Variants in B4GALNT3 observed in about 807,000 individuals in gnomAD.
B4GALNT3 encodes beta-1,4-N-acetyl-galactosaminyltransferase 3.
A neutral mutation model predicts 120.2 loss-of-function variants in B4GALNT3; 86 were observed. That is an observed-to-expected ratio of 0.72 (90% CI 0.60 to 0.86). B4GALNT3 has a LOEUF of 0.86. Ranked by LOEUF, B4GALNT3 falls within the 40% of genes least tolerant of loss-of-function variation. B4GALNT3 has a pLI of 0.00. For missense variants in B4GALNT3, 1,167 were observed against 1,298.9 expected, an observed-to-expected ratio of 0.90 and a Z score of 1.56; for synonymous variants, 518 against 510.4, an observed-to-expected ratio of 1.01 and a Z score of -0.20.
At chr12:555,182 A>T (rs942162047) in intron 14 of B4GALNT3, 1 of 334,468 alleles carries the variant, frequency 3.0e-6, no homozygotes, top group African/African-American at 2.2e-5. Context: ...TGTCTCAAAA[A>T]AAAAGAAAAA....
Position 550,855 on chromosome 12 carries a change from G to A in B4GALNT3, c.998-67G>A. Reference sequence around the variant, plus strand: ...GAATACAGAAAGGGCCCTGCTCAGGGCAGAGGACTTCAGCCCCAGTTTCGT... The same window carrying A: ...GAATACAGAAAGGGCCCTGCTCAGGACAGAGGACTTCAGCCCCAGTTTCGT... On this transcript the variant is annotated intron_variant, in intron 10 of 19. Coordinates refer to ENST00000266383, the MANE Select transcript of B4GALNT3 (RefSeq NM_173593.4). This position sits in a 1 kb window ranked among gnomAD's most constrained non-coding sequence, Gnocchi z 4.1. The A allele has an allele frequency of 7.7e-7, 1 of 1,302,124 alleles. No individual in the cohort carries two copies. Among genetic ancestry groups the A allele is most frequent in the Non-Finnish European group, 1.1e-6 (1 of 906,806 alleles). The allele number at this position is 1,302,124 out of a possible 1,614,324, so 80.7% of individuals were successfully genotyped here.
intron 1 of B4GALNT3, among the ~76,000 whole-genome samples, chr12:522,670 C>T (rs764086071): frequency 4.6e-5 from 7 of 151,926 alleles, no homozygotes; most frequent in Admixed American, 2.6e-4. Context: ...CGTGGTGGCT[C>T]ACGTCTGTCA....
chr12:480,108 G>A (rs34159937), intron 1 of B4GALNT3, among the ~76,000 whole-genome samples: 53,362 of 151,556 alleles, frequency 0.35, 10,825 homozygotes, highest in Non-Finnish European at 0.46. Context: ...GTAGAGACAA[G>A]GTTTCACTGC....
intron 1 of B4GALNT3, among the ~76,000 whole-genome samples, chr12:470,994 G>T (rs1309083797): frequency 6.6e-6 from 1 of 151,990 alleles, no homozygotes; most frequent in Non-Finnish European, 1.5e-5. Flanking sequence ...CTCCCAAAGT[G>T]CTGGGATTAC....
chr12:514,354 C>T (rs538398361), intron 1 of B4GALNT3, among the ~76,000 whole-genome samples: 1,580 of 152,130 alleles, frequency 0.01, 16 homozygotes, highest in Non-Finnish European at 0.017. Flanking sequence ...CCCGCCACCA[C>T]GCCTGGCTAA....
At chr12:556,961 C>T (rs1178409609) in intron 15 of B4GALNT3, 95 bp downstream of exon 15, 16 of 1,319,532 alleles carry the variant, frequency 1.2e-5, no homozygotes, top group East Asian at 4.9e-5. Flanking sequence ...ATCCCATAAG[C>T]ACTTCTGAGA....
chr12:473,144 C>G (rs1223081207), intron 1 of B4GALNT3, among the ~76,000 whole-genome samples: 1 of 152,024 alleles, frequency 6.6e-6, no homozygotes, highest in Admixed American at 6.6e-5. Flanking sequence ...AATTTTTAAA[C>G]TTTTTGTAAA....
intron 1 of B4GALNT3, among the ~76,000 whole-genome samples, chr12:517,638 A>G (rs987566894): frequency 2.0e-5 from 3 of 152,182 alleles, no homozygotes; most frequent in East Asian, 3.8e-4. Context: ...CTACTTCCCC[A>G]TGATGTCTTC....
chr12:476,029 G>T (rs186095081), intron 1 of B4GALNT3, among the ~76,000 whole-genome samples: 1 of 152,294 alleles, frequency 6.6e-6, no homozygotes, highest in East Asian at 1.9e-4. Context: ...GCTGTCTTTG[G>T]TCCTCCATTT....
intron 1 of B4GALNT3, among the ~76,000 whole-genome samples, chr12:528,582 G>C (rs989701555): frequency 3.3e-4 from 50 of 152,222 alleles, no homozygotes; most frequent in African/African-American, 1.2e-3. Context: ...GCCTGGCTCT[G>C]CCATTGGAGC....
intron 1 of B4GALNT3, among the ~76,000 whole-genome samples, chr12:521,583 C>T (rs769121160): frequency 1.3e-4 from 20 of 152,186 alleles, no homozygotes; most frequent in African/African-American, 4.3e-4. Context: ...CGTTCTTACC[C>T]GCCTCTGTTT....
At position 549,758 on chromosome 12, in the gene B4GALNT3, C is replaced by A. The variant is rs1429837954; in HGVS notation, c.854-11C>A. ...ACACAGCCTCCTGCTTTCTTTCCTC[C>A]CTGCGCCCAGATGAGACGTTCCTAC... On this transcript the variant is annotated splice_polypyrimidine_tract_variant and intron_variant, in intron 9 of 19. Transcript: ENST00000266383. The A allele has an allele frequency of 1.2e-6, 2 of 1,613,618 alleles. No individual in the cohort carries two copies. The highest frequency in any genetic ancestry group is 2.7e-5 in the African/African-American group (2 of 74,944).
At chr12:476,154 T>C (rs1946183599) in intron 1 of B4GALNT3, among the ~76,000 whole-genome samples, 1 of 152,236 alleles carries the variant, frequency 6.6e-6, no homozygotes, top group Admixed American at 6.5e-5. Flanking sequence ...TTATTGAGCC[T>C]CAATATGTCC....
intron 1 of B4GALNT3, among the ~76,000 whole-genome samples, chr12:518,953 A>T (rs1046022421): frequency 2.0e-5 from 3 of 152,258 alleles, no homozygotes; most frequent in Non-Finnish European, 4.4e-5. Context: ...CAGAAAATCT[A>T]GCTTGTTGTC....
chr12:460,563 G>A lies in B4GALNT3; in HGVS notation c.169+18G>A, dbSNP rs760299350. The A allele has an allele frequency of 6.1e-4, 865 of 1,412,960 alleles. No individual in the cohort carries two copies. Among genetic ancestry groups the A allele is most frequent in the Non-Finnish European group, 7.7e-4 (828 of 1,071,200 alleles). The allele number at this position is 1,412,960 out of a possible 1,614,324, so 87.5% of individuals were successfully genotyped here. A position where few individuals can be genotyped will look rare whatever the true frequency, so the allele number is the denominator to read the frequency against. ...GAACCGGAGTAAGTAGCACCCAGGG[G>A]AGGCGAAGGGCGCGGGGGTGGGCGG... On this transcript the variant is annotated intron_variant, in intron 1 of 19. Coordinates refer to ENST00000266383, the MANE Select transcript of B4GALNT3 (RefSeq NM_173593.4). The surrounding 1 kb of genome is among the most constrained non-coding windows in gnomAD (Gnocchi z 8.0).
chr12:461,160 AC>A (rs1241305318), intron 1 of B4GALNT3, among the ~76,000 whole-genome samples: 6 of 150,838 alleles, frequency 4.0e-5, no homozygotes, highest in African/African-American at 1.5e-4. Context: ...TGAATCTCCC[AC>A]CTCCTCGCTG....
chr12:512,677 C>CCACCTTA (rs1946601996), intron 1 of B4GALNT3, among the ~76,000 whole-genome samples: 1 of 137,306 alleles, frequency 7.3e-6, no homozygotes, highest in Non-Finnish European at 1.5e-5. Flanking sequence ...CTTCCACCTT[C>CCACCTTA]CACCTTCGAT....
Position 546,663 on chromosome 12 carries a change from C to A in B4GALNT3, c.657C>A (p.Thr219=), listed in dbSNP as rs139972203. The A allele has an allele frequency of 1.9e-6, 3 of 1,551,550 alleles. No individual in the cohort carries two copies. Among genetic ancestry groups the A allele is most frequent in the East Asian group, 2.4e-5 (1 of 40,920 alleles). ...ACCTCTAGACTGGAAAGGAGTGGACCGCCCCGGGAGAGTTTGGGAAATTTC... is the reference window on the plus strand; with the variant it reads ...ACCTCTAGACTGGAAAGGAGTGGACAGCCCCGGGAGAGTTTGGGAAATTTC... ...ASVGKTGKEW[T]APGEFGKFRS... Residue 219 remains threonine (T), a synonymous_variant, in exon 7 of 20, where the codon ACC becomes ACA. Coordinates refer to ENST00000266383, the MANE Select transcript of B4GALNT3 (RefSeq NM_173593.4).
chr12:473,174 T>C (rs1468557), intron 1 of B4GALNT3, among the ~76,000 whole-genome samples: 144,300 of 152,108 alleles, frequency 0.95, 68,796 homozygotes, highest in East Asian at 1. Context: ...CAGTATGTTG[T>C]CCAGACTGGT....
Sources: allele counts gnomAD v4.1 joint callset (sites outside exome capture counted in the v4.1 genomes callset), GRCh38; gene constraint gnomAD v4.1.1; non-coding constraint Gnocchi (gnomAD v3.1); transcripts MANE v1.5; gene names NCBI Gene and HGNC (gene_info 2026-07-23, HGNC 2026-07-21).